ROCK1: variants seen among roughly 807,000 people sequenced by gnomAD.
ROCK1 encodes the protein rho-associated protein kinase 1.
Under a neutral mutation model 196.8 loss-of-function variants are expected in ROCK1, and 36 were observed. The ratio of observed to expected loss-of-function variants is 0.18; its 90% CI spans 0.14 to 0.24. The LOEUF (loss-of-function observed/expected upper bound fraction) is 0.24, where lower values mean the gene tolerates loss of function less well. Ranked by LOEUF, ROCK1 falls within the 10% of genes least tolerant of loss-of-function variation. ROCK1 has a pLI of 1.00. For missense variants in ROCK1, 920 were observed against 1,562.0 expected (o/e 0.59, Z 6.93); for synonymous variants, 443 against 515.9 (o/e 0.86, Z 1.91).
chr18:21,087,432 T>C (rs1196922921), intron 1 of ROCK1, among the ~76,000 whole-genome samples: 1 of 151,972 alleles, frequency 6.6e-6, no homozygotes, highest in Non-Finnish European at 1.5e-5. Flanking sequence ...GACAAGAAAT[T>C]CACTTAAAAT....
chr18:21,027,434 T>A (rs1447967388), intron 10 of ROCK1, among the ~76,000 whole-genome samples: 1 of 152,174 alleles, frequency 6.6e-6, no homozygotes, highest in Non-Finnish European at 1.5e-5. Flanking sequence ...CACACTAAAA[T>A]AATGTTAAAT....
rs563255322 is a variant in ROCK1 at position 20,948,508 on chromosome 18, T to C, written c.*2876A>G. ...TTTAAATGAAGGGTGAATGGGTTAA[T>C]TTAAGCTGAAACCCCAAATGACAGG... On this transcript the variant is annotated 3_prime_UTR_variant, in exon 33 of 33. Coordinates refer to ENST00000399799, the MANE Select transcript of ROCK1 (RefSeq NM_005406.3). 1.0e-4 allele frequency: 15 copies of C among 148,988 alleles called. No individual in the cohort carries two copies. In the South Asian group the frequency reaches 2.9e-3, roughly 29 times the overall value. 9.2% of individuals were successfully genotyped at this position (148,988 alleles called of 1,614,324 possible).
chr18:21,015,397 CAAA>C, intron 13 of ROCK1, 31 bp downstream of exon 13: 1 of 1,415,956 alleles, frequency 7.1e-7, no homozygotes, highest in South Asian at 1.2e-5. Flanking sequence ...GGAAAAATCT[CAAA>C]AAGGAAACTT....
chr18:21,105,008 A>G (rs1055244960), intron 1 of ROCK1, among the ~76,000 whole-genome samples: 1 of 152,218 alleles, frequency 6.6e-6, no homozygotes, highest in African/African-American at 2.4e-5. Flanking sequence ...GACGACAATA[A>G]ATATCAACTT....
chr18:21,036,053 TTTATC>T (rs923041024), intron 9 of ROCK1, among the ~76,000 whole-genome samples: 6 of 152,206 alleles, frequency 3.9e-5, no homozygotes, highest in African/African-American at 1.4e-4. Context: ...CATGGGGAAT[TTTATC>T]TTATGCATAC....
intron 16 of ROCK1, among the ~76,000 whole-genome samples, chr18:20,993,540 T>C (rs950285488): frequency 6.6e-6 from 1 of 152,200 alleles, no homozygotes; most frequent in Admixed American, 6.5e-5. Context: ...TGAGAGCCTT[T>C]AGTTAATTAA....
intron 31 of ROCK1, 43 bp from the exon 32 acceptor site, chr18:20,953,828 G>GT: frequency 5.2e-6 from 5 of 958,282 alleles, no homozygotes; most frequent in Non-Finnish European, 6.0e-6. Flanking sequence ...AAGCCATATA[G>GT]TTTTTTAAAA....
chr18:21,024,088 G>C (rs1374045161), intron 10 of ROCK1, among the ~76,000 whole-genome samples: 2 of 152,104 alleles, frequency 1.3e-5, no homozygotes, highest in Non-Finnish European at 2.9e-5. Flanking sequence ...TATAAGAATT[G>C]GGGGTAAGAA....
Position 21,008,058 on chromosome 18 carries a change from C to T in ROCK1, c.1546+1G>A, listed in dbSNP as rs1465335208. ...ATTTTTCAAAAGTAGTGACAATTTA[C>T]CTTCATTTTCTACATTTCTTCTCTT... On this transcript the variant is annotated splice_donor_variant, in intron 14 of 32. Transcript: ENST00000399799. LOFTEE classifies it high-confidence loss of function. 1 of 1,582,376 alleles carries T rather than the reference C, an allele frequency of 6.3e-7. No individual in the cohort carries two copies.
At chr18:20,971,717 T>G (rs544278051) in intron 22 of ROCK1, among the ~76,000 whole-genome samples, 24 of 123,684 alleles carry the variant, frequency 1.9e-4, no homozygotes, top group Admixed American at 3.4e-4. Context: ...AATAAATAAA[T>G]AAAGAGACAC....
At position 21,088,630 on chromosome 18, in the gene ROCK1, T is replaced by C. The variant is rs186244786; in HGVS notation, c.94-18017A>G. Among the ~76,000 whole-genome samples the C allele has an allele frequency of 3.7e-3, 565 of 152,336 alleles. 2 individuals carry two copies. Among genetic ancestry groups the C allele is most frequent in the African/African-American group, 0.013 (544 of 41,586 alleles). On this transcript the variant is annotated intron_variant, in intron 1 of 32. Coordinates refer to ENST00000399799, the MANE Select transcript of ROCK1 (RefSeq NM_005406.3). Reference sequence around the variant, plus strand: ...GTCTGAAAGTGCCAAAATTCATTTATTGGAAACTTAATCCCCAGAGAAACA... The same window carrying C: ...GTCTGAAAGTGCCAAAATTCATTTACTGGAAACTTAATCCCCAGAGAAACA...
At chr18:20,975,590 T>C (rs2143375115) in intron 22 of ROCK1, among the ~76,000 whole-genome samples, 1 of 152,284 alleles carries the variant, frequency 6.6e-6, no homozygotes, top group East Asian at 1.9e-4. Flanking sequence ...TGTGGCACTT[T>C]TTAAAATTTA....
chr18:21,045,113 G>A (rs1189774806), intron 5 of ROCK1, 179 bp downstream of exon 5: 13 of 419,038 alleles, frequency 3.1e-5, no homozygotes, highest in Non-Finnish European at 4.5e-5. Flanking sequence ...TGCCTGCCTC[G>A]GCCTCCCAAA....
chr18:21,079,779 C>A (rs1352463655), intron 1 of ROCK1, among the ~76,000 whole-genome samples: 1 of 152,160 alleles, frequency 6.6e-6, no homozygotes, highest in Non-Finnish European at 1.5e-5. Flanking sequence ...TCTCGCAGAG[C>A]AAAGAAAGCC....
At chr18:20,996,987 T>C (rs542797500) in intron 16 of ROCK1, among the ~76,000 whole-genome samples, 14 of 152,056 alleles carry the variant, frequency 9.2e-5, no homozygotes, top group Admixed American at 2.0e-4. Flanking sequence ...AATTAAAACC[T>C]ATCACCAGAG....
At chr18:21,044,008 T>C in intron 6 of ROCK1, 94 bp downstream of exon 6, 1 of 746,648 alleles carries the variant, frequency 1.3e-6, no homozygotes, top group Admixed American at 2.3e-5. Context: ...GTTAGTAAAT[T>C]CTTACACCAT....
intron 16 of ROCK1, among the ~76,000 whole-genome samples, chr18:21,004,810 T>G (rs547987428): frequency 2.4e-4 from 37 of 152,346 alleles, no homozygotes; most frequent in African/African-American, 8.9e-4. Flanking sequence ...TCTGTGACTT[T>G]CCTATTACAT....
At chr18:20,968,460 C>A in intron 25 of ROCK1, 1 of 234,688 alleles carries the variant, frequency 4.3e-6, no homozygotes, top group Non-Finnish European at 8.2e-6. Flanking sequence ...GAGCGCACCA[C>A]CACGCCCGGC....
At chr18:20,966,169 T>C (rs2035372580) in intron 27 of ROCK1, among the ~76,000 whole-genome samples, 1 of 152,206 alleles carries the variant, frequency 6.6e-6, no homozygotes, top group Admixed American at 6.5e-5. Context: ...AAATGCATGT[T>C]TTAATAATGA....
Sources: gnomAD v4.1 joint callset for allele counts (sites outside exome capture counted in the v4.1 genomes callset) on GRCh38, gnomAD v4.1.1 for gene constraint, MANE v1.5 for transcripts, NCBI Gene and HGNC (gene_info 2026-07-23, HGNC 2026-07-21) for gene names.